Variants in DIP2A observed in about 807,000 individuals in gnomAD.
DIP2A encodes DIP2 acetate--CoA ligase A.
A neutral mutation model predicts 177.4 loss-of-function variants in DIP2A; 85 were observed. The observed-to-expected ratio is 0.48, with a 90% confidence interval of 0.40 to 0.57. The LOEUF (loss-of-function observed/expected upper bound fraction) is 0.57, where lower values mean the gene tolerates loss of function less well. Ranked by LOEUF, DIP2A falls within the 20% of genes least tolerant of loss-of-function variation. The probability of loss-of-function intolerance (pLI) is 0.00; values close to 1 mark genes in which losing one functional copy is unlikely to be tolerated. For synonymous variants in DIP2A, 886 were observed against 881.8 expected (o/e 1.00, Z -0.08); for missense variants, 1,791 against 2,100.2 (o/e 0.85, Z 2.88).
chr21:46,573,678 A>AAAAAAAAAAAAAAT (rs2060979854), downstream of DIP2A, among the ~76,000 whole-genome samples: 1 of 128,576 alleles, frequency 7.8e-6, no homozygotes, highest in African/African-American at 3.0e-5. Flanking sequence ...AAAAAAAAAA[A>AAAAAAAAAAAAAAT]AAAAAGATAT....
intron 3 of DIP2A, among the ~76,000 whole-genome samples, chr21:46,496,248 A>G (rs2057353253): frequency 6.6e-6 from 1 of 151,950 alleles, no homozygotes; most frequent in African/African-American, 2.4e-5. Context: ...TGAGTGTCCA[A>G]GCTCTAGCTA....
intron 1 of DIP2A, among the ~76,000 whole-genome samples, chr21:46,474,805 A>T (rs969120527): frequency 6.6e-6 from 1 of 152,158 alleles, no homozygotes; most frequent in Admixed American, 6.5e-5. Context: ...TTGAAAAGGA[A>T]TTCATAGTCT....
intron 18 of DIP2A, 57 bp from the exon 19 acceptor site, chr21:46,545,080 G>A: frequency 6.6e-7 from 1 of 1,505,400 alleles, no homozygotes; most frequent in African/African-American, 1.4e-5. Flanking sequence ...GGAGATCTTT[G>A]TGAGTGATCC....
At chr21:46,462,450 C>A (rs2054400401) in intron 1 of DIP2A, 1 of 152,128 alleles carries the variant, frequency 6.6e-6, no homozygotes, top group African/African-American at 2.4e-5. Flanking sequence ...GGGGTGAATA[C>A]CAGCTTTATT....
chr21:46,580,477 T>A, the DIP2A span, among the ~76,000 whole-genome samples: 2 of 152,212 alleles, frequency 1.3e-5, no homozygotes, highest in Non-Finnish European at 2.9e-5. Flanking sequence ...GTGAATTTGA[T>A]CCTGTCATCA....
intron 8 of DIP2A, among the ~76,000 whole-genome samples, chr21:46,513,609 A>G (rs148891290): frequency 3.9e-5 from 6 of 152,294 alleles, no homozygotes; most frequent in East Asian, 1.9e-4. Context: ...AAAAATTACT[A>G]CTGGGATATT....
chr21:46,540,136 C>T (rs572521591), intron 17 of DIP2A, 145 bp downstream of exon 17: 8 of 660,592 alleles, frequency 1.2e-5, no homozygotes, highest in East Asian at 1.1e-4. Flanking sequence ...CCACATTTTG[C>T]CGGCTTGGGT....
chr21:46,476,710 G>A (rs989476352), intron 1 of DIP2A, among the ~76,000 whole-genome samples: 1 of 150,520 alleles, frequency 6.6e-6, no homozygotes, highest in African/African-American at 2.4e-5. Flanking sequence ...CTGGAGTGGT[G>A]GAGTGGTACA....
chr21:46,459,141 C>T lies in DIP2A; in HGVS notation c.10C>T (p.Arg4Cys). 1 of 1,513,036 alleles carries T rather than the reference C, an allele frequency of 6.6e-7. No individual in the cohort carries two copies. Among genetic ancestry groups the T allele is most frequent in the Non-Finnish European group, 8.8e-7 (1 of 1,131,726 alleles). The allele number at this position is 1,513,036 out of a possible 1,614,324, so 93.7% of individuals were successfully genotyped here. A position where few individuals can be genotyped will look rare whatever the true frequency, so the allele number is the denominator to read the frequency against. The change falls in exon 1 of 38, where the codon CGC becomes TGC. Residue 4 changes from arginine to cysteine, a missense_variant. Physicochemically the swap from Arg to Cys is radical, Grantham distance 180. Coordinates refer to ENST00000417564, the MANE Select transcript of DIP2A (RefSeq NM_015151.4). The stretch of plus-strand genomic sequence containing the variant: ...GCTAGCCGGCCTGGCCATGGCTGAC[C>T]GCGGGTGCCCGCTGGAGGCGGCGCC... MADRGCPLEAAPLP... is the reference protein window; with the variant it reads MADCGCPLEAAPLP...
rs2060130721 is a variant in DIP2A, at chr21:46,548,150, G to A, written c.2522+1108G>A. On this transcript the variant is annotated intron_variant, in intron 21 of 37. Coordinates refer to ENST00000417564, the MANE Select transcript of DIP2A (RefSeq NM_015151.4). ...AAGGTGGGAGATTGCTCAGGGGGCT[G>A]GGAAGGGCAGGCTGTGCTCATGCAT... Among the ~76,000 whole-genome samples, 2 of 152,080 alleles carry A rather than the reference G, an allele frequency of 1.3e-5. 1 individual carries two copies. The highest frequency in any genetic ancestry group is 4.1e-4 in the South Asian group (2 of 4,824).
chr21:46,523,099 A>G (rs1270096903), intron 8 of DIP2A, among the ~76,000 whole-genome samples: 1 of 149,348 alleles, frequency 6.7e-6, no homozygotes, highest in African/African-American at 2.5e-5. Context: ...CTAATTTTGT[A>G]TTTTTAGTAG....
At position 46,551,651 on chromosome 21, in the gene DIP2A, A is replaced by T; in HGVS notation, c.2857A>T (p.Met953Leu). 1 of 1,613,992 alleles carries T rather than the reference A, an allele frequency of 6.2e-7. No individual in the cohort carries two copies. Among genetic ancestry groups the T allele is most frequent in the Non-Finnish European group, 8.5e-7 (1 of 1,179,880 alleles). Residue 953 changes from methionine (M) to leucine (L), a missense_variant, in exon 24 of 38, where the codon ATG becomes TTG. Coordinates refer to ENST00000417564, the MANE Select transcript of DIP2A (RefSeq NM_015151.4). ...QKQPEVGPAS[M>L]IVGNLVAGKR... ...GTTTCTAGAGGTTGGACCAGCCTCA[A>T]TGATCGTGGGGAACCTGGTTGCTGG...
chr21:46,497,115 TAAAC>T lies in DIP2A; in HGVS notation c.403+11_403+14del. On this transcript the variant is annotated intron_variant, in intron 4 of 37. Transcript: ENST00000417564. ...AAACCTACACCCCTCCAGGTATTGA[TAAAC>T]AATGTCAAGTGTGGCTTTTTTTTGA... 6.4e-7 allele frequency: 1 copy of T among 1,571,910 alleles called. No homozygotes were observed. Among genetic ancestry groups the T allele is most frequent in the South Asian group, 1.1e-5 (1 of 88,880 alleles).
Position 46,560,865 on chromosome 21 carries a change from C to T in DIP2A, c.4031+82C>T, listed in dbSNP as rs1038369930. 2.6e-6 allele frequency: 4 copies of T among 1,531,646 alleles called. No homozygotes were observed. In the Admixed American group the frequency reaches 7.9e-5, roughly 30 times the overall value. 94.9% of individuals were successfully genotyped at this position (1,531,646 alleles called of 1,614,324 possible). A position where few individuals can be genotyped will look rare whatever the true frequency, so the allele number is the denominator to read the frequency against. On this transcript the variant is annotated intron_variant, in intron 33 of 37. Transcript: ENST00000417564. Reference sequence around the variant, plus strand: ...CCAGGTCTGCACTGACTATGCACCCCCGGGACCCAGGCATTAGAGGACGGC... The same window carrying T: ...CCAGGTCTGCACTGACTATGCACCCTCGGGACCCAGGCATTAGAGGACGGC...
At chr21:46,525,467 A>G (rs951918973) in intron 8 of DIP2A, among the ~76,000 whole-genome samples, 13 of 151,990 alleles carry the variant, frequency 8.6e-5, no homozygotes, top group Admixed American at 8.5e-4. Flanking sequence ...ACATGGGTGG[A>G]TCTGTTTTGC....
Position 46,559,934 on chromosome 21 carries a change from G to A in DIP2A, c.3970-788G>A, listed in dbSNP as rs542896798. On this transcript the variant is annotated intron_variant, in intron 32 of 37. Coordinates refer to ENST00000417564, the MANE Select transcript of DIP2A (RefSeq NM_015151.4). ...TCCCATGAGTTCATGTGACTTTCTC[G>A]TGAATTCTAGACAAACATGTTTCTT... Among the ~76,000 whole-genome samples the A allele has an allele frequency of 5.1e-4, 77 of 152,142 alleles. 1 individual carries two copies. The highest frequency in any genetic ancestry group is 5.6e-4 in the Non-Finnish European group (38 of 68,024).
intron 20 of DIP2A, chr21:46,546,413 G>A (rs1279325545): frequency 2.9e-6 from 2 of 678,644 alleles, no homozygotes; most frequent in Non-Finnish European, 3.7e-6. Flanking sequence ...TCAAGGGAGG[G>A]GAGTGCTCCT....
intron 6 of DIP2A, among the ~76,000 whole-genome samples, chr21:46,506,989 C>G (rs1193361271): frequency 1.3e-5 from 2 of 151,664 alleles, no homozygotes; most frequent in African/African-American, 4.8e-5. Context: ...TTAGTAGAGA[C>G]CAGGCTGGTC....
chr21:46,488,545 G>A (rs913328257), intron 2 of DIP2A, among the ~76,000 whole-genome samples: 1 of 152,148 alleles, frequency 6.6e-6, no homozygotes, highest in Non-Finnish European at 1.5e-5. Flanking sequence ...TAAAGTAGCA[G>A]AAATCCAAAG....
Sources: allele counts gnomAD v4.1 joint callset (sites outside exome capture counted in the v4.1 genomes callset), GRCh38; gene constraint gnomAD v4.1.1; transcripts MANE v1.5; gene names NCBI Gene and HGNC (gene_info 2026-07-23, HGNC 2026-07-21).